Variants in PCCB observed in about 807,000 individuals in gnomAD.
PCCB encodes the protein propionyl-CoA carboxylase beta chain, mitochondrial.
Under a neutral mutation model 60.7 loss-of-function variants are expected in PCCB, and 43 were observed. The ratio of observed to expected loss-of-function variants is 0.71; its 90% confidence interval spans 0.55 to 0.91. The LOEUF (loss-of-function observed/expected upper bound fraction) is 0.91, where lower values mean the gene tolerates loss of function less well. Ranked by LOEUF, PCCB falls within the 40% of genes least tolerant of loss-of-function variation. PCCB has a pLI of 0.00. For missense variants in PCCB, 766 were observed against 702.8 expected (o/e 1.09, Z -1.02); for synonymous variants, 276 against 255.9 (o/e 1.08, Z -0.75).
At chr3:136,261,760 G>A (rs991572126) in intron 4 of PCCB, among the ~76,000 whole-genome samples, 192 bp from the exon 5 acceptor site, 9 of 152,190 alleles carry the variant, frequency 5.9e-5, no homozygotes, top group Non-Finnish European at 1.2e-4. Flanking sequence ...GCTTTAATCA[G>A]CCTATTAAAT....
intron 1 of PCCB, among the ~76,000 whole-genome samples, chr3:136,254,518 C>CTTTTTTTTTT (rs3994953): frequency 2.2e-5 from 1 of 45,930 alleles, no homozygotes; most frequent in Non-Finnish European, 3.7e-5. Flanking sequence ...CTGCGGCTAG[C>CTTTTTTTTTT]TTTTTTTTTT....
At chr3:136,259,195 A>G in intron 3 of PCCB, 2 of 1,446,586 alleles carry the variant, frequency 1.4e-6, no homozygotes, top group Non-Finnish European at 1.8e-6. Context: ...GGCTGGGCAC[A>G]GTGGCTCCCG....
At chr3:136,319,223 C>G (rs1284895069) in intron 10 of PCCB, among the ~76,000 whole-genome samples, 2 of 152,042 alleles carry the variant, frequency 1.3e-5, no homozygotes, top group African/African-American at 4.8e-5. Flanking sequence ...GGAAAAATGT[C>G]TATTCAAGTC....
At chr3:136,289,789 C>CTTTTTTTTTTTTTTTTTTT (rs147625921) in intron 6 of PCCB, among the ~76,000 whole-genome samples, 1 of 141,792 alleles carries the variant, frequency 7.1e-6, no homozygotes, top group Non-Finnish European at 1.5e-5. Flanking sequence ...ACATGTTATA[C>CTTTTTTTTTTTTTTTTTTT]TTTTTTTTTA....
rs755368950 is a variant in PCCB at position 136,317,019 on chromosome 3, G to A, written c.1045G>A (p.Gly349Arg). 1 of 1,613,978 alleles carries A rather than the reference G, an allele frequency of 6.2e-7. No homozygotes were observed. The highest frequency in any genetic ancestry group is 8.5e-7 in the Non-Finnish European group (1 of 1,179,940). Residue 349 changes from glycine to arginine, a missense_variant, in exon 10 of 15, where the codon GGG becomes AGG. By Grantham distance (125) the Gly-to-Arg change is moderately radical. Coordinates refer to ENST00000251654, the MANE Select transcript of PCCB (RefSeq NM_000532.5). ...NIIVGFARMN[G>R]RTVGIVGNQP... The stretch of plus-strand genomic sequence containing the variant: ...CATTGTTGGTTTTGCAAGAATGAAT[G>A]GGAGGACTGTTGGAATTGTTGGCAA...
At position 136,329,928 on chromosome 3, in the gene PCCB, C is replaced by A. The variant is rs759912137; in HGVS notation, c.1522C>A (p.Pro508Thr). The change falls in exon 15 of 15, where the codon CCT becomes ACT. Residue 508 changes from proline to threonine, a missense_variant. Pro to Thr is a conservative substitution (Grantham distance 38). Transcript: ENST00000251654. ...AGGGTTTGTGGATGACATCATCCAA[C>A]CTTCTTCCACACGTGCCCGAATCTG... is the stretch of plus-strand genomic sequence containing the variant. Reference protein sequence around the residue: ...VRGFVDDIIQPSSTRARICCD... With the variant: ...VRGFVDDIIQTSSTRARICCD... 3.1e-6 allele frequency: 5 copies of A among 1,614,064 alleles called. No homozygotes were observed. In the South Asian group the frequency reaches 4.4e-5, roughly 14 times the overall value.
intron 5 of PCCB, among the ~76,000 whole-genome samples, chr3:136,271,314 T>G (rs1005026717): frequency 6.6e-6 from 1 of 152,172 alleles, no homozygotes; most frequent in African/African-American, 2.4e-5. Flanking sequence ...TTGCTTAGTA[T>G]TGCTTTGGCT....
chr3:136,261,857 CAG>C, intron 4 of PCCB, 93 bp from the exon 5 acceptor site: 1 of 845,844 alleles, frequency 1.2e-6, no homozygotes, highest in Non-Finnish European at 2.0e-6. Flanking sequence ...AAAGTGCACT[CAG>C]AACGTTTTCC....
At chr3:136,263,747 C>T (rs959005919) in intron 5 of PCCB, among the ~76,000 whole-genome samples, 5 of 152,108 alleles carry the variant, frequency 3.3e-5, no homozygotes, top group Non-Finnish European at 4.4e-5. Flanking sequence ...CACGGTGGCT[C>T]ACACCTGCAG....
intron 6 of PCCB, among the ~76,000 whole-genome samples, chr3:136,288,316 A>G (rs944000367): frequency 1.3e-5 from 2 of 152,040 alleles, no homozygotes; most frequent in Non-Finnish European, 2.9e-5. Flanking sequence ...AATGATTTCT[A>G]TTTATTTTAC....
chr3:136,272,357 G>A (rs1942224589), intron 5 of PCCB, among the ~76,000 whole-genome samples: 1 of 152,020 alleles, frequency 6.6e-6, no homozygotes, highest in South Asian at 2.1e-4. Context: ...TGGTATTAGG[G>A]TGATACTGGC....
intron 9 of PCCB, among the ~76,000 whole-genome samples, chr3:136,307,028 C>T (rs1343234157): frequency 1.6e-5 from 2 of 122,648 alleles, no homozygotes; most frequent in African/African-American, 5.0e-5. Flanking sequence ...AATAAAATGG[C>T]ATCCAACTTC....
chr3:136,251,379 C>G, intron 1 of PCCB: 1 of 454,074 alleles, frequency 2.2e-6, no homozygotes, highest in South Asian at 1.6e-5. Flanking sequence ...AATTAACCAA[C>G]GGGAAGGTGC....
chr3:136,285,966 A>ATTATAAAGTTC (rs149978105), intron 6 of PCCB, among the ~76,000 whole-genome samples: 152 of 152,334 alleles, frequency 1.0e-3, no homozygotes, highest in African/African-American at 3.6e-3. Flanking sequence ...ACACAAGGTA[A>ATTATAAAGTTC]TTATAAAGTT....
Position 136,316,985 on chromosome 3 carries a change from C to T in PCCB, c.1011C>T (p.Ala337=). Residue 337 remains alanine (A), a synonymous_variant, in exon 10 of 15, where the codon GCC becomes GCT. Coordinates refer to ENST00000251654, the MANE Select transcript of PCCB (RefSeq NM_000532.5). ...TTTTTGAGATCATGCCCAATTATGC[C>T]AAGAACATCATTGTTGGTTTTGCAA... is the stretch of plus-strand genomic sequence containing the variant. ...REFFEIMPNY[A]KNIIVGFARM... 6.2e-7 allele frequency: 1 copy of T among 1,613,710 alleles called. No individual in the cohort carries two copies. Among genetic ancestry groups the T allele is most frequent in the African/African-American group, 1.3e-5 (1 of 74,984 alleles).
rs867707137 is a variant in PCCB at position 136,268,105 on chromosome 3, T to G, written c.543+6040T>G. ...GTGTGTAGATATATATATATATATA[T>G]ATATATATATATATATGTATATATA... On this transcript the variant is annotated intron_variant, in intron 5 of 14. Transcript: ENST00000251654. Among the ~76,000 whole-genome samples, 103 of 128,182 alleles carry G rather than the reference T, an allele frequency of 8.0e-4. 1 individual carries two copies. The highest frequency in any genetic ancestry group is 2.5e-3 in the African/African-American group (78 of 30,712). The allele number at this position is 128,182 out of a possible 152,430, so 84.1% of individuals were successfully genotyped here.
At chr3:136,297,816 G>T in intron 7 of PCCB, 136 bp from the exon 8 acceptor site, 2 of 907,622 alleles carry the variant, frequency 2.2e-6, no homozygotes, top group Admixed American at 3.4e-5. Flanking sequence ...TACATCCTCA[G>T]TGGAGGGTGC....
rs201277706 is a variant in PCCB at position 136,327,589 on chromosome 3, C to T, written c.1300-45C>T. On this transcript the variant is annotated intron_variant, in intron 12 of 14. Coordinates refer to ENST00000251654, the MANE Select transcript of PCCB (RefSeq NM_000532.5). ...TCCTGGGGTCTTTCAGGGACATGAT[C>T]TGGCTGTCTCAGGCTCTAACACTCA... The T allele has an allele frequency of 2.0e-5, 29 of 1,420,082 alleles. No homozygotes were observed. In the East Asian group the frequency reaches 2.0e-4, roughly 10 times the overall value. 88.0% of individuals were successfully genotyped at this position (1,420,082 alleles called of 1,614,324 possible). A position where few individuals can be genotyped will look rare whatever the true frequency, so the allele number is the denominator to read the frequency against.
chr3:136,286,594 G>T (rs1933420848), intron 6 of PCCB, among the ~76,000 whole-genome samples: 1 of 152,108 alleles, frequency 6.6e-6, no homozygotes, highest in African/African-American at 2.4e-5. Flanking sequence ...TAGTCAGAAG[G>T]TCCTGTTGGC....
Sources: allele counts gnomAD v4.1 joint callset (sites outside exome capture counted in the v4.1 genomes callset), GRCh38; gene constraint gnomAD v4.1.1; transcripts MANE v1.5; gene names NCBI Gene and HGNC (gene_info 2026-07-23, HGNC 2026-07-21).